Variants in ZBTB37 observed in about 807,000 individuals in gnomAD.
ZBTB37 encodes zinc finger and BTB domain containing 37.
A neutral mutation model predicts 37.7 loss-of-function variants in ZBTB37; 15 were observed. That is an observed-to-expected ratio of 0.40 (90% CI 0.27 to 0.61). The LOEUF is 0.61. ZBTB37 is among the 20% of genes least tolerant of loss of function. ZBTB37 has a pLI of 0.44. For missense variants in ZBTB37, 514 were observed against 641.9 expected, an observed-to-expected ratio of 0.80 and a Z score of 2.15; for synonymous variants, 231 against 220.6, an observed-to-expected ratio of 1.05 and a Z score of -0.42.
downstream of ZBTB37, chr1:173,890,847 G>A (rs764504761): frequency 2.0e-5 from 3 of 152,158 alleles, no homozygotes; most frequent in East Asian, 1.9e-4. Flanking sequence ...CAAAGATCAC[G>A]TGGCTACAAA....
chr1:173,874,578 C>T (rs1012147685), intron 4 of ZBTB37, among the ~76,000 whole-genome samples: 10 of 152,114 alleles, frequency 6.6e-5, no homozygotes, highest in African/African-American at 2.4e-4. Context: ...GTTTCGATCT[C>T]CTGACCTCAT....
exon 3 of ZBTB37, chr1:173,870,213 C>T (rs780696719): frequency 6.3e-7 from 1 of 1,593,620 alleles, no homozygotes; most frequent in South Asian, 1.1e-5. Flanking sequence ...TGAATGCACC[C>T]TCAGGCACGA....
chr1:173,901,399 CTT>C (rs3053950), exon 4 of ZBTB37: 23 of 121,720 alleles, frequency 1.9e-4, no homozygotes, highest in Admixed American at 3.3e-4. Context: ...AAAGTTAGAA[CTT>C]TTTTTTTTTT....
At chr1:173,875,704 C>T (rs1310743002) in intron 4 of ZBTB37, among the ~76,000 whole-genome samples, 1 of 151,838 alleles carries the variant, frequency 6.6e-6, no homozygotes, top group Non-Finnish European at 1.5e-5. Flanking sequence ...GACCAGGTTG[C>T]ATTGCACTGG....
At chr1:173,875,567 T>C (rs1018954229) in intron 4 of ZBTB37, among the ~76,000 whole-genome samples, 6 of 152,002 alleles carry the variant, frequency 3.9e-5, no homozygotes, top group Non-Finnish European at 7.4e-5. Context: ...ACTCAGGTGA[T>C]CCACCCACCT....
In ZBTB37 at chr1:173,873,487, T is replaced by G. The variant is rs754471426; in HGVS notation, c.944T>G (p.Val315Gly). ...AACAGATTTAGCCCCTCCGGCAGTG[T>G]TGTTCCCTTGACAGAGAGACACAGA... Residue 315 changes from valine to glycine, a missense_variant, in exon 4 of 5, where the codon GTT (valine) becomes GGT (glycine). Transcript: ENST00000427304. 3.1e-6 allele frequency: 5 copies of G among 1,613,278 alleles called. No individual in the cohort carries two copies. The South Asian group carries it at 4.4e-5, about 14-fold the overall frequency.
chr1:173,876,477 C>G lies in ZBTB37; in HGVS notation c.1023+2911C>G, dbSNP rs140777719. ...GGACTACAGGTGCATGCTACCACGC[C>G]CAGCTAATTTTTGTATTTTTAGTAG... On this transcript the variant is annotated intron_variant, in intron 4 of 4. Coordinates refer to ENST00000427304, the Ensembl canonical transcript of ZBTB37. 3.9e-5 allele frequency among the ~76,000 whole-genome samples: 6 copies of G among 152,172 alleles called. No homozygotes were observed. In the East Asian group the frequency reaches 1.2e-3, roughly 29 times the overall value.
intron 4 of ZBTB37, among the ~76,000 whole-genome samples, chr1:173,882,908 G>A (rs753462604): frequency 6.6e-6 from 1 of 152,118 alleles, no homozygotes; most frequent in Admixed American, 6.5e-5. Context: ...AATTTGTAAT[G>A]TTTAATAATA....
chr1:173,885,461 AT>A (rs1656568815), intron 4 of ZBTB37, among the ~76,000 whole-genome samples, 174 bp from the exon 5 acceptor site: 1 of 152,186 alleles, frequency 6.6e-6, no homozygotes, highest in Admixed American at 6.5e-5. Context: ...AGTAGTCTCA[AT>A]TTTTTAAAAA....
chr1:173,899,442 AAGT>A (rs1657175921), exon 4 of ZBTB37: 1 of 152,324 alleles, frequency 6.6e-6, no homozygotes, highest in African/African-American at 2.4e-5. Context: ...TTTATTTAAA[AAGT>A]AGTGAAAAAA....
intron 4 of ZBTB37, among the ~76,000 whole-genome samples, chr1:173,884,269 A>C (rs1656498394): frequency 6.6e-6 from 1 of 151,586 alleles, no homozygotes. Context: ...CTCACACCTC[A>C]GCCTTCCCAA....
chr1:173,882,182 A>G (rs1312100088), intron 4 of ZBTB37, among the ~76,000 whole-genome samples: 3 of 148,708 alleles, frequency 2.0e-5, no homozygotes, highest in Non-Finnish European at 4.5e-5. Flanking sequence ...GGATGGGTAG[A>G]TTGTAAAAAT....
At chr1:173,893,178 G>A (rs1169174320) in exon 4 of ZBTB37, 1 of 152,188 alleles carries the variant, frequency 6.6e-6, no homozygotes, top group Non-Finnish European at 1.5e-5. Context: ...GCTGGACTTA[G>A]AGGCATGAAC....
intron 3 of ZBTB37, among the ~76,000 whole-genome samples, chr1:173,873,215 AT>A (rs1482381509): frequency 2.6e-5 from 4 of 152,184 alleles, no homozygotes; most frequent in Non-Finnish European, 5.9e-5. Context: ...AAGAAAGCTT[AT>A]ATTTAGCTTT....
At chr1:173,873,736 C>A in intron 4 of ZBTB37, 170 bp downstream of exon 4, 1 of 1,171,432 alleles carries the variant, frequency 8.5e-7, no homozygotes, top group Non-Finnish European at 1.1e-6. Flanking sequence ...TAAAATTATA[C>A]AGAGACATCA....
In ZBTB37 at chr1:173,870,965, CTG is replaced by C; in HGVS notation, c.741_742del (p.Glu248LysfsTer9). 1 of 1,614,240 alleles carries C rather than the reference CTG, an allele frequency of 6.2e-7. No homozygotes were observed. Among genetic ancestry groups the C allele is most frequent in the Non-Finnish European group, 8.5e-7 (1 of 1,180,054 alleles). ...GTTCTTGGAGCAGTACACATCAAAA[CTG>C]AAAATCTGGAGGAGTGGCTTGGGCC... On this transcript the variant is annotated frameshift_variant, in exon 3 of 5. Transcript: ENST00000427304. LOFTEE classifies it high-confidence loss of function.
chr1:173,898,750 A>G (rs1362731879), exon 4 of ZBTB37: 1 of 152,072 alleles, frequency 6.6e-6, no homozygotes, highest in African/African-American at 2.4e-5. Context: ...CACTCAATTT[A>G]TTTTCTGTTT....
exon 4 of ZBTB37, chr1:173,903,348 T>C (rs1269368690): frequency 6.4e-6 from 1 of 157,260 alleles, no homozygotes; most frequent in Non-Finnish European, 1.4e-5. Context: ...TTTAAAGCAG[T>C]TTAGCAAAAG....
rs374780351 is a variant in ZBTB37, at chr1:173,870,211, C to T, written c.-15C>T. On this transcript the variant is annotated 5_prime_UTR_variant, in exon 3 of 5. Transcript: ENST00000427304. ...TCTTTTTTCAGCAGGGTTGAATGCACCCTCAGGCACGACCATGGAGAAAGG... is the reference window on the plus strand; with the variant it reads ...TCTTTTTTCAGCAGGGTTGAATGCATCCTCAGGCACGACCATGGAGAAAGG... 7 of 1,591,000 alleles carry T rather than the reference C, an allele frequency of 4.4e-6. No homozygotes were observed. The African/African-American group carries it at 8.1e-5, about 18-fold the overall frequency.
Sources: gnomAD v4.1 joint callset for allele counts (sites outside exome capture counted in the v4.1 genomes callset) on GRCh38, gnomAD v4.1.1 for gene constraint, MANE v1.5 for transcripts, NCBI Gene and HGNC (gene_info 2026-07-23, HGNC 2026-07-21) for gene names.